The following BMP2K variants were observed in gnomAD, a reference collection of about 807,000 sequenced individuals.
BMP2K encodes BMP-2-inducible protein kinase.
A neutral mutation model predicts 116.0 loss-of-function variants in BMP2K; 74 were observed. The ratio of observed to expected loss-of-function variants is 0.64; its 90% CI spans 0.53 to 0.77. The LOEUF (loss-of-function observed/expected upper bound fraction) is 0.77. BMP2K is among the 30% of genes least tolerant of loss of function. The pLI is 0.00. For missense variants in BMP2K, 1,365 were observed against 1,403.6 expected (o/e 0.97, Z 0.44); for synonymous variants, 486 against 502.5 (o/e 0.97, Z 0.44).
intron 1 of BMP2K, among the ~76,000 whole-genome samples, chr4:78,797,086 A>C (rs778929619): frequency 6.6e-6 from 1 of 152,206 alleles, no homozygotes; most frequent in Non-Finnish European, 1.5e-5. Context: ...TAAATGTATT[A>C]ATTTTTTAAA....
Position 78,869,550 on chromosome 4 carries a change from A to T in BMP2K, c.1232-1233A>T, listed in dbSNP as rs185627443. On this transcript the variant is annotated intron_variant, in intron 10 of 15. Transcript: ENST00000502613. ...TCCCAACACACACAAAAAAATGACAATGCTTGCAGTGACCGTTTTGCTAAT... is the reference window on the plus strand; with the variant it reads ...TCCCAACACACACAAAAAAATGACATTGCTTGCAGTGACCGTTTTGCTAAT... 3.2e-4 allele frequency among the ~76,000 whole-genome samples: 48 copies of T among 152,318 alleles called. 1 individual carries two copies. The East Asian group carries it at 9.2e-3, about 29-fold the overall frequency.
chr4:78,910,073 G>A (rs982225329), intron 15 of BMP2K, among the ~76,000 whole-genome samples: 7 of 152,128 alleles, frequency 4.6e-5, no homozygotes, highest in African/African-American at 1.7e-4. Context: ...CCTTAGCTTT[G>A]GTGAGGCCAT....
Position 78,911,137 on chromosome 4 carries a change from T to G in BMP2K, c.2590T>G (p.Phe864Val). 1 of 1,613,992 alleles carries G rather than the reference T, an allele frequency of 6.2e-7. No homozygotes were observed. The change falls in exon 16 of 16, where the codon TTT becomes GTT. Residue 864 changes from phenylalanine (F) to valine (V), a missense_variant. By Grantham distance (50) the Phe-to-Val change is conservative. This residue lies in a region of BMP2K where 596 missense variants were observed against 623.2 expected (regional missense o/e 0.96). Transcript: ENST00000502613. Reference sequence around the variant, plus strand: ...TGATGTATTTGGCGCTGTCCCCTTCTTTGCAGTGCGTGCTCAACAGCCCCA... The same window carrying G: ...TGATGTATTTGGCGCTGTCCCCTTCGTTGCAGTGCGTGCTCAACAGCCCCA... ...EFDVFGAVPF[F>V]AVRAQQPQQE...
intron 2 of BMP2K, among the ~76,000 whole-genome samples, chr4:78,828,746 TA>T (rs556903799): frequency 1.1e-4 from 17 of 152,138 alleles, no homozygotes; most frequent in Non-Finnish European, 2.2e-4. Context: ...GCATTATGCC[TA>T]AAAAAATTGT....
intron 1 of BMP2K, among the ~76,000 whole-genome samples, chr4:78,778,213 TA>T (rs1022516059): frequency 6.6e-6 from 1 of 152,124 alleles, no homozygotes; most frequent in Non-Finnish European, 1.5e-5. Context: ...TTTTATTTAA[TA>T]GAAAAAAAAT....
intron 3 of BMP2K, among the ~76,000 whole-genome samples, chr4:78,840,135 C>T (rs1379222783): frequency 6.6e-6 from 1 of 151,744 alleles, no homozygotes; most frequent in African/African-American, 2.4e-5. Flanking sequence ...TTGTTGAACA[C>T]CTTTTTTAAG....
At chr4:78,882,682 T>C (rs758874075) in intron 14 of BMP2K, among the ~76,000 whole-genome samples, 53 of 151,982 alleles carry the variant, frequency 3.5e-4, no homozygotes, top group Non-Finnish European at 6.5e-4. Flanking sequence ...TATTACTTCA[T>C]GAAATATATT....
At chr4:78,876,133 A>G (rs1732619728) in intron 13 of BMP2K, among the ~76,000 whole-genome samples, 1 of 152,226 alleles carries the variant, frequency 6.6e-6, no homozygotes, top group Non-Finnish European at 1.5e-5. Context: ...AGGAATCCAT[A>G]AATTTATTTT....
intron 13 of BMP2K, among the ~76,000 whole-genome samples, chr4:78,873,928 C>T (rs1435587863): frequency 1.3e-5 from 2 of 152,184 alleles, no homozygotes; most frequent in South Asian, 2.1e-4. Context: ...GCCTGTAATC[C>T]AAGCACTTTG....
At chr4:78,883,698 G>A (rs1006660991) in intron 14 of BMP2K, among the ~76,000 whole-genome samples, 1 of 152,132 alleles carries the variant, frequency 6.6e-6, no homozygotes, top group Admixed American at 6.5e-5. Flanking sequence ...CAGTGCATGA[G>A]GATTTAAAGA....
intron 1 of BMP2K, among the ~76,000 whole-genome samples, chr4:78,802,852 T>TG (rs1728635812): frequency 6.6e-6 from 1 of 150,834 alleles, no homozygotes; most frequent in African/African-American, 2.5e-5. Context: ...TTTTTTGTTC[T>TG]CTTTTTTGTT....
intron 2 of BMP2K, among the ~76,000 whole-genome samples, chr4:78,831,134 A>G (rs1398140162): frequency 1.3e-5 from 2 of 152,178 alleles, no homozygotes; most frequent in African/African-American, 4.8e-5. Context: ...CCCCAAGGAG[A>G]GGGGGAGCCT....
rs1040094728 is a variant in BMP2K at position 78,883,133 on chromosome 4, G to T, written c.1952-4041G>T. ...CTGTATCAATTAAAATTCTTGAAAA[G>T]ATACTGTCTTTATTCACCAACATAA... On this transcript the variant is annotated intron_variant, in intron 14 of 15. Transcript: ENST00000502613. Among the ~76,000 whole-genome samples the T allele has an allele frequency of 3.9e-5, 6 of 152,000 alleles. No homozygotes were observed. In the East Asian group the frequency reaches 9.6e-4, roughly 24 times the overall value.
intron 1 of BMP2K, among the ~76,000 whole-genome samples, chr4:78,786,366 C>A (rs1378515045): frequency 3.3e-5 from 5 of 151,638 alleles, no homozygotes; most frequent in Admixed American, 3.3e-4. Context: ...TTCCCAGTCT[C>A]CATAACAGTA....
chr4:78,906,075 A>G (rs895646742), intron 15 of BMP2K: 1 of 152,068 alleles, frequency 6.6e-6, no homozygotes, highest in African/African-American at 2.4e-5. Flanking sequence ...TGAATAGATG[A>G]TTAAGTAGAT....
chr4:78,821,154 GT>G (rs1283043149), intron 1 of BMP2K, among the ~76,000 whole-genome samples: 2 of 152,004 alleles, frequency 1.3e-5, no homozygotes, highest in African/African-American at 4.8e-5. Context: ...CTGTTTGCTT[GT>G]TTTACTATCT....
At chr4:78,852,249 G>T (rs1731289432) in intron 7 of BMP2K, among the ~76,000 whole-genome samples, 1 of 151,834 alleles carries the variant, frequency 6.6e-6, no homozygotes, top group Non-Finnish European at 1.5e-5. Flanking sequence ...ATCTAATTAG[G>T]CTCTAGTTAA....
chr4:78,867,192 GA>G (rs1380586546), intron 10 of BMP2K, among the ~76,000 whole-genome samples: 2 of 151,136 alleles, frequency 1.3e-5, no homozygotes, highest in Non-Finnish European at 3.0e-5. Context: ...AAGAAAAAAA[GA>G]AAAAAAAGCA....
chr4:78,869,948 T>C (rs1379498887), intron 10 of BMP2K, among the ~76,000 whole-genome samples: 1 of 152,172 alleles, frequency 6.6e-6, no homozygotes, highest in South Asian at 2.1e-4. Flanking sequence ...AAAAGAACCC[T>C]TCTCTCCCTC....
Sources: gnomAD v4.1 joint callset for allele counts (sites outside exome capture counted in the v4.1 genomes callset) on GRCh38, gnomAD v4.1.1 for gene constraint, gnomAD v4.1.1 regional missense constraint, MANE v1.5 for transcripts, NCBI Gene and HGNC (gene_info 2026-07-23, HGNC 2026-07-21) for gene names.